Variants in TSPAN14 observed in about 807,000 individuals in gnomAD.
TSPAN14 encodes tetraspanin 14.
Under a neutral mutation model 36.6 loss-of-function variants are expected in TSPAN14, and 16 were observed. That is an observed-to-expected ratio of 0.44 (90% CI 0.30 to 0.66). The LOEUF is 0.66. Ranked by LOEUF, TSPAN14 falls within the 30% of genes least tolerant of loss-of-function variation. The probability of loss-of-function intolerance (pLI) is 0.12; values close to 1 mark genes in which losing one functional copy is unlikely to be tolerated. For synonymous variants in TSPAN14, 139 were observed against 143.8 expected (o/e 0.97, Z 0.24); for missense variants, 231 against 355.1 (o/e 0.65, Z 2.81).
exon 9 of TSPAN14, chr10:80,522,077 C>T (rs1035135733): frequency 2.0e-5 from 3 of 152,096 alleles, no homozygotes; most frequent in African/African-American, 7.2e-5. Flanking sequence ...ATGAAATTGC[C>T]AACTTCAGGG....
At chr10:80,456,954 T>G (rs1300447755) in intron 1 of TSPAN14, among the ~76,000 whole-genome samples, 1 of 152,056 alleles carries the variant, frequency 6.6e-6, no homozygotes, top group Non-Finnish European at 1.5e-5. Context: ...CCCAGCTACT[T>G]GGGAGGCTGA....
chr10:80,514,198 G>C, intron 7 of TSPAN14, 135 bp downstream of exon 7: 1 of 769,408 alleles, frequency 1.3e-6, no homozygotes, highest in Non-Finnish European at 2.2e-6. Context: ...CACCTAAGCT[G>C]AGCATAGGCA....
intron 2 of TSPAN14, among the ~76,000 whole-genome samples, chr10:80,496,257 T>G (rs1452054306): frequency 1.3e-5 from 2 of 152,200 alleles, no homozygotes; most frequent in Non-Finnish European, 2.9e-5. Context: ...ACTGGAAGAT[T>G]AGATCACTGA....
chr10:80,507,251 A>C, exon 4 of TSPAN14: 1 of 1,614,148 alleles, frequency 6.2e-7, no homozygotes, highest in Non-Finnish European at 8.5e-7. Flanking sequence ...ACCTCACCAA[A>C]GTGACCCGGA....
intron 5 of TSPAN14, among the ~76,000 whole-genome samples, chr10:80,510,174 TTGATC>T (rs58368707): frequency 6.6e-6 from 1 of 152,384 alleles, no homozygotes; most frequent in African/African-American, 2.4e-5. Context: ...AGGCTCTTGT[TTGATC>T]TGTGTGCTGA....
intron 2 of TSPAN14, among the ~76,000 whole-genome samples, chr10:80,493,257 C>T (rs1170952341): frequency 6.6e-6 from 1 of 152,076 alleles, no homozygotes; most frequent in Non-Finnish European, 1.5e-5. Flanking sequence ...GGAAAATAAC[C>T]GATGTTGATG....
At chr10:80,483,343 A>G (rs1847398932) in intron 1 of TSPAN14, among the ~76,000 whole-genome samples, 1 of 152,164 alleles carries the variant, frequency 6.6e-6, no homozygotes, top group Non-Finnish European at 1.5e-5. Flanking sequence ...CCATGCAGCC[A>G]TTTTCATGCT....
chr10:80,469,050 G>T (rs1846393344), intron 1 of TSPAN14, among the ~76,000 whole-genome samples: 1 of 152,158 alleles, frequency 6.6e-6, no homozygotes, highest in African/African-American at 2.4e-5. Context: ...GCAGTGCACA[G>T]CAGTTATTCC....
In TSPAN14 at chr10:80,509,042, A is replaced by G. The variant is rs192139506; in HGVS notation, c.280-259A>G. 1.3e-5 allele frequency among the ~76,000 whole-genome samples: 2 copies of G among 152,298 alleles called. No individual in the cohort carries two copies. Among genetic ancestry groups the G allele is most frequent in the Non-Finnish European group, 2.9e-5 (2 of 68,024 alleles). ...ACACATTGGCTTGGAGCTTTCTCACACTTTTTCACGCATTTGAGTGTTATC... is the reference window on the plus strand; with the variant it reads ...ACACATTGGCTTGGAGCTTTCTCACGCTTTTTCACGCATTTGAGTGTTATC... On this transcript the variant is annotated intron_variant, in intron 4 of 8. Transcript: ENST00000429989. The surrounding 1 kb of genome is among the most constrained non-coding windows in gnomAD (Gnocchi z 4.7).
At chr10:80,518,181 T>G in exon 9 of TSPAN14, 1 of 602,942 alleles carries the variant, frequency 1.7e-6, no homozygotes, top group South Asian at 2.0e-5. Flanking sequence ...AACTTGTGAC[T>G]GCATCCCTCT....
At chr10:80,495,295 C>T (rs78786423) in intron 2 of TSPAN14, among the ~76,000 whole-genome samples, 2,290 of 151,732 alleles carry the variant, frequency 0.015, 51 homozygotes, top group African/African-American at 0.052. Context: ...ATCCCCAGAA[C>T]GACTGCCCCA....
At chr10:80,516,727 C>T (rs1409549965) in intron 8 of TSPAN14, among the ~76,000 whole-genome samples, 6 of 152,204 alleles carry the variant, frequency 3.9e-5, no homozygotes, top group Non-Finnish European at 8.8e-5. Context: ...CACCTGGGGC[C>T]TGAGGGTGGC....
At chr10:80,520,415 G>A (rs552909085) in exon 9 of TSPAN14, 57 of 412,778 alleles carry the variant, frequency 1.4e-4, no homozygotes, top group South Asian at 9.1e-4. Context: ...TCGGCTGTCC[G>A]CACAGAGGCA....
chr10:80,470,044 A>G (rs1389034852), intron 1 of TSPAN14, among the ~76,000 whole-genome samples: 1 of 152,160 alleles, frequency 6.6e-6, no homozygotes, highest in African/African-American at 2.4e-5. Flanking sequence ...TAACTAATAC[A>G]ATGTAAATGC....
At chr10:80,468,993 T>C (rs959445405) in intron 1 of TSPAN14, among the ~76,000 whole-genome samples, 1 of 152,244 alleles carries the variant, frequency 6.6e-6, no homozygotes, top group Non-Finnish European at 1.5e-5. Flanking sequence ...TTGTCGACTT[T>C]AAACAGGTTT....
intron 1 of TSPAN14, among the ~76,000 whole-genome samples, chr10:80,461,488 A>G (rs1378041523): frequency 6.6e-6 from 1 of 152,014 alleles, no homozygotes; most frequent in Admixed American, 6.5e-5. Flanking sequence ...TAGGTTTTTG[A>G]GGGGGGCATG....
chr10:80,511,771 T>C (rs193227017), intron 5 of TSPAN14, among the ~76,000 whole-genome samples: 2,913 of 123,208 alleles, frequency 0.024, 81 homozygotes, highest in South Asian at 0.038. Context: ...TCTCTCTCTC[T>C]CCCCTTTTTT....
chr10:80,519,530 A>C (rs1419069597), exon 9 of TSPAN14: 1 of 53,700 alleles, frequency 1.9e-5, no homozygotes. Flanking sequence ...TTTTTTTTAC[A>C]CAATTCTCTG....
intron 1 of TSPAN14, among the ~76,000 whole-genome samples, chr10:80,477,056 C>G (rs555930913): frequency 7.8e-4 from 119 of 152,292 alleles, no homozygotes; most frequent in Admixed American, 1.6e-3. Flanking sequence ...ACTCTTAGCC[C>G]TTAGAGTCCC....
Sources: allele counts gnomAD v4.1 joint callset (sites outside exome capture counted in the v4.1 genomes callset), GRCh38; gene constraint gnomAD v4.1.1; non-coding constraint Gnocchi (gnomAD v3.1); transcripts MANE v1.5; gene names NCBI Gene and HGNC (gene_info 2026-07-23, HGNC 2026-07-21).